The following KHDRBS2 variants were observed in gnomAD, a reference collection of about 807,000 sequenced individuals.
KHDRBS2 encodes KH RNA binding domain containing, signal transduction associated 2, also known as KH domain-containing, RNA-binding, signal transduction-associated protein 2.
Under a neutral mutation model 44.3 loss-of-function variants are expected in KHDRBS2, and 26 were observed. That is an observed-to-expected ratio of 0.59 (90% CI 0.43 to 0.81). The LOEUF is 0.81. Among genes scored for constraint, KHDRBS2 ranks in the 40% least tolerant of loss-of-function variants. KHDRBS2 has a pLI of 0.00. For synonymous variants in KHDRBS2, 194 were observed against 151.1 expected, an observed-to-expected ratio of 1.28 and a Z score of -2.08; for missense variants, 476 against 433.1, an observed-to-expected ratio of 1.10 and a Z score of -0.88.
chr6:61,560,039 T>A, the KHDRBS2 span, among the ~76,000 whole-genome samples: 3 of 152,170 alleles, frequency 2.0e-5, no homozygotes, highest in African/African-American at 7.2e-5. Flanking sequence ...GGCAAATCTT[T>A]ATTTCTCCTT....
chr6:61,842,442 T>C (rs73758037), intron 6 of KHDRBS2, among the ~76,000 whole-genome samples: 24,155 of 152,086 alleles, frequency 0.16, 2,476 homozygotes, highest in East Asian at 0.29. Context: ...AATTTTATAC[T>C]AAAGAGAGGA....
intron 8 of KHDRBS2, among the ~76,000 whole-genome samples, chr6:61,694,986 G>C (rs1005733809): frequency 6.6e-6 from 1 of 152,002 alleles, no homozygotes; most frequent in Admixed American, 6.6e-5. Context: ...AGTAAGCCTG[G>C]TGCTCATTTT....
rs9361984 is a variant in KHDRBS2, at chr6:61,682,976, T to G, written c.953-1916A>C. On this transcript the variant is annotated intron_variant, in intron 8 of 8. Coordinates refer to ENST00000281156, the MANE Select transcript of KHDRBS2 (RefSeq NM_152688.4). Reference sequence around the variant, plus strand: ...AGGCTATATCATTGTTTTTGTCCTCTGATGGTAAAATGTATCCCAATTTAT... The same window carrying G: ...AGGCTATATCATTGTTTTTGTCCTCGGATGGTAAAATGTATCCCAATTTAT... Among the ~76,000 whole-genome samples the G allele has an allele frequency of 9.0e-4, 137 of 151,968 alleles. No individual in the cohort carries two copies. The East Asian group carries it at 0.024, about 26-fold the overall frequency.
rs552086881 is a variant in KHDRBS2, at chr6:62,199,485, T to C, written c.92-22173A>G. ...ATTATGAGTGAACTCCCATTCACAA[T>C]TACTTCAAAGAGAATAAAATACCTA... is the stretch of plus-strand genomic sequence containing the variant. On this transcript the variant is annotated intron_variant, in intron 1 of 8. Transcript: ENST00000281156. Among the ~76,000 whole-genome samples the C allele has an allele frequency of 3.3e-5, 5 of 152,254 alleles. No individual in the cohort carries two copies. In the East Asian group the frequency reaches 9.6e-4, roughly 29 times the overall value.
At chr6:61,982,574 G>A (rs764579976) in intron 3 of KHDRBS2, among the ~76,000 whole-genome samples, 1 of 151,890 alleles carries the variant, frequency 6.6e-6, no homozygotes, top group Non-Finnish European at 1.5e-5. Flanking sequence ...CGGAGGCTGA[G>A]GCGAGAGAAT....
At chr6:62,221,746 A>C (rs1402167330) in intron 1 of KHDRBS2, among the ~76,000 whole-genome samples, 1 of 152,152 alleles carries the variant, frequency 6.6e-6, no homozygotes. Flanking sequence ...TCAATCAGAA[A>C]AAAAAGGACT....
At chr6:61,776,212 AT>A (rs1181947342) in intron 6 of KHDRBS2, among the ~76,000 whole-genome samples, 2 of 152,150 alleles carry the variant, frequency 1.3e-5, no homozygotes, top group Non-Finnish European at 2.9e-5. Flanking sequence ...AGGCATTACC[AT>A]TCAGGACATA....
At chr6:62,284,984 C>A (rs1381527919) in intron 1 of KHDRBS2, among the ~76,000 whole-genome samples, 1 of 151,826 alleles carries the variant, frequency 6.6e-6, no homozygotes, top group East Asian at 1.9e-4. Context: ...ATGAAGCATT[C>A]ATCTAAAAAA....
Position 62,092,118 on chromosome 6 carries a change from GT to G in KHDRBS2, c.220-44125del, listed in dbSNP as rs904715831. Among the ~76,000 whole-genome samples, 519 of 146,086 alleles carry G rather than the reference GT, an allele frequency of 3.6e-3. 3 individuals are homozygous for G. Among genetic ancestry groups the G allele is most frequent in the African/African-American group, 0.012 (464 of 40,004 alleles). ...CCTAAAGTTTTGCTTGATGTCTCCAGTTTTTTTTTTTAATCTTCTGCTCAGC... is the reference window on the plus strand; with the variant it reads ...CCTAAAGTTTTGCTTGATGTCTCCAGTTTTTTTTTTAATCTTCTGCTCAGC... On this transcript the variant is annotated intron_variant, in intron 2 of 8. Coordinates refer to ENST00000281156, the MANE Select transcript of KHDRBS2 (RefSeq NM_152688.4).
At chr6:62,202,049 T>C (rs758124022) in intron 1 of KHDRBS2, among the ~76,000 whole-genome samples, 1 of 152,088 alleles carries the variant, frequency 6.6e-6, no homozygotes, top group Non-Finnish European at 1.5e-5. Context: ...AAAGTAGTTT[T>C]CAAGCATATA....
chr6:61,657,964 A>G, the KHDRBS2 span, among the ~76,000 whole-genome samples: 1 of 151,978 alleles, frequency 6.6e-6, no homozygotes, highest in East Asian at 1.9e-4. Context: ...AAGCCTTCAA[A>G]TGGACACCAG....
At chr6:61,605,678 G>A in the KHDRBS2 span, among the ~76,000 whole-genome samples, 2 of 151,970 alleles carry the variant, frequency 1.3e-5, no homozygotes, top group South Asian at 2.1e-4. Flanking sequence ...TCCCACTCTA[G>A]GTTCCCACAC....
intron 1 of KHDRBS2, among the ~76,000 whole-genome samples, chr6:62,255,261 T>C (rs1297876957): frequency 6.6e-6 from 1 of 152,060 alleles, no homozygotes; most frequent in Non-Finnish European, 1.5e-5. Context: ...TTCTATCTGA[T>C]CTATAATGTG....
chr6:61,850,533 G>A (rs1795269778), intron 6 of KHDRBS2, among the ~76,000 whole-genome samples: 1 of 152,016 alleles, frequency 6.6e-6, no homozygotes, highest in African/African-American at 2.4e-5. Flanking sequence ...ATGTTGCTAT[G>A]GTATCTGAAG....
intron 3 of KHDRBS2, among the ~76,000 whole-genome samples, chr6:61,984,295 T>C (rs1334739112): frequency 6.6e-6 from 1 of 152,184 alleles, no homozygotes; most frequent in African/African-American, 2.4e-5. Context: ...TTTACAGATA[T>C]CATATTTTAT....
chr6:62,038,922 C>G (rs1327985283), intron 3 of KHDRBS2, among the ~76,000 whole-genome samples: 2 of 151,870 alleles, frequency 1.3e-5, no homozygotes, highest in Admixed American at 6.6e-5. Flanking sequence ...ATTAAAATTA[C>G]CCATTAATTA....
intron 2 of KHDRBS2, among the ~76,000 whole-genome samples, chr6:62,145,639 C>G (rs1328591349): frequency 6.6e-6 from 1 of 151,804 alleles, no homozygotes; most frequent in African/African-American, 2.4e-5. Context: ...CTAGTTTAAT[C>G]ATATTTTAAC....
At chr6:62,203,775 T>A (rs2150140186) in intron 1 of KHDRBS2, among the ~76,000 whole-genome samples, 1 of 152,284 alleles carries the variant, frequency 6.6e-6, no homozygotes, top group Admixed American at 6.5e-5. Flanking sequence ...AACTAGCATT[T>A]ATTTGGCACT....
At chr6:61,757,361 A>AG (rs1417080113) in intron 6 of KHDRBS2, among the ~76,000 whole-genome samples, 2 of 152,166 alleles carry the variant, frequency 1.3e-5, no homozygotes, top group Admixed American at 1.3e-4. Flanking sequence ...AGTAATGTGT[A>AG]GGGGTTCCAG....
Sources: gnomAD v4.1 joint callset for allele counts (sites outside exome capture counted in the v4.1 genomes callset) on GRCh38, gnomAD v4.1.1 for gene constraint, MANE v1.5 for transcripts, NCBI Gene and HGNC (gene_info 2026-07-23, HGNC 2026-07-21) for gene names.